Variants in ETV6 observed in about 807,000 individuals in gnomAD.
ETV6 encodes transcription factor ETV6.
In ETV6, 16 loss-of-function variants were observed where a neutral mutation model predicts 51.1. That is an observed-to-expected ratio of 0.31 (90% CI 0.21 to 0.48). The LOEUF is 0.48. ETV6 is among the 20% of genes least tolerant of loss of function. The pLI is 0.99. For missense variants in ETV6, 458 were observed against 594.8 expected, an observed-to-expected ratio of 0.77 and a Z score of 2.39; for synonymous variants, 240 against 224.1, an observed-to-expected ratio of 1.07 and a Z score of -0.64.
intron 1 of ETV6, among the ~76,000 whole-genome samples, chr12:11,721,619 T>C (rs1865389403): frequency 6.6e-6 from 1 of 152,142 alleles, no homozygotes; most frequent in Admixed American, 6.5e-5. Context: ...AACTACCTCT[T>C]GGGTACTGTG....
chr12:11,839,253 G>T lies in ETV6; in HGVS notation c.277G>T (p.Ala93Ser). Residue 93 changes from alanine (A) to serine (S), a missense_variant, in exon 3 of 8, where the codon GCT becomes TCT. Ala to Ser is a moderately conservative substitution (Grantham distance 99, BLOSUM62 1). Around this residue, in one of 4 missense-constraint regions of ETV6, gnomAD observed 26 missense variants for 52.1 expected, o/e 0.50. Transcript: ENST00000396373. ...CAACACGTTTGAAATGAATGGCAAAGCTCTCCTGCTGCTGACCAAAGAGGA... is the reference window on the plus strand; with the variant it reads ...CAACACGTTTGAAATGAATGGCAAATCTCTCCTGCTGCTGACCAAAGAGGA... ...DSNTFEMNGK[A>S]LLLLTKEDFR... The T allele has an allele frequency of 6.2e-7, 1 of 1,614,224 alleles. No individual in the cohort carries two copies. The highest frequency in any genetic ancestry group is 8.5e-7 in the Non-Finnish European group (1 of 1,180,038).
At chr12:11,729,332 T>C (rs897359711) in intron 1 of ETV6, among the ~76,000 whole-genome samples, 1 of 152,172 alleles carries the variant, frequency 6.6e-6, no homozygotes, top group South Asian at 2.1e-4. Flanking sequence ...AGCACTAGAA[T>C]TGAAGGCCTG....
chr12:11,861,659 G>A (rs1001806054), intron 4 of ETV6, among the ~76,000 whole-genome samples: 3 of 152,126 alleles, frequency 2.0e-5, no homozygotes, highest in African/African-American at 7.2e-5. Context: ...AAGTCTCCAA[G>A]AGACTTCCTT....
chr12:11,877,318 T>TA (rs1021887101), intron 5 of ETV6, among the ~76,000 whole-genome samples: 43 of 150,632 alleles, frequency 2.9e-4, no homozygotes, highest in Non-Finnish European at 4.7e-4. Context: ...TTTTTTTTTT[T>TA]AATTTTGTAC....
intron 2 of ETV6, among the ~76,000 whole-genome samples, chr12:11,814,174 AC>A (rs926476506): frequency 1.3e-5 from 2 of 152,206 alleles, no homozygotes; most frequent in African/African-American, 4.8e-5. Context: ...ATGCCGAATT[AC>A]CCACTCAGGA....
At chr12:11,706,194 G>A (rs541017437) in intron 1 of ETV6, among the ~76,000 whole-genome samples, 4 of 152,306 alleles carry the variant, frequency 2.6e-5, no homozygotes, top group East Asian at 3.9e-4. Context: ...AAATAACAAC[G>A]CCTTTCATTT....
At chr12:11,761,688 T>C (rs1020502930) in intron 2 of ETV6, among the ~76,000 whole-genome samples, 11 of 152,310 alleles carry the variant, frequency 7.2e-5, no homozygotes, top group Admixed American at 2.6e-4. Context: ...AACATGCTCT[T>C]GTAGGGGTCA....
intron 1 of ETV6, among the ~76,000 whole-genome samples, chr12:11,749,070 A>T (rs1432127834): frequency 6.6e-6 from 1 of 152,038 alleles, no homozygotes; most frequent in East Asian, 1.9e-4. Flanking sequence ...GGTTGGCTTG[A>T]TAGGTTGTAT....
intron 2 of ETV6, among the ~76,000 whole-genome samples, chr12:11,801,543 G>A (rs1014437552): frequency 1.1e-4 from 16 of 152,194 alleles, no homozygotes; most frequent in African/African-American, 2.2e-4. Context: ...ACTATTCTGC[G>A]GATAACACAG....
At chr12:11,822,430 T>C (rs1237124216) in intron 2 of ETV6, among the ~76,000 whole-genome samples, 1 of 152,232 alleles carries the variant, frequency 6.6e-6, no homozygotes, top group Non-Finnish European at 1.5e-5. Context: ...CTCTCTACCT[T>C]TCTCCCCCAT....
intron 1 of ETV6, among the ~76,000 whole-genome samples, chr12:11,668,637 A>C (rs1415804407): frequency 6.6e-6 from 1 of 152,148 alleles, no homozygotes; most frequent in African/African-American, 2.4e-5. Context: ...GAGAAGGGCT[A>C]GTTAGTATGT....
At chr12:11,852,390 C>CT (rs1193311175) in intron 3 of ETV6, among the ~76,000 whole-genome samples, 9 of 152,328 alleles carry the variant, frequency 5.9e-5, no homozygotes, top group Middle Eastern at 6.8e-3. Context: ...AGGAGGGAAG[C>CT]ATCCCAGAAC....
chr12:11,808,460 A>T (rs1945863832), intron 2 of ETV6, among the ~76,000 whole-genome samples: 1 of 151,938 alleles, frequency 6.6e-6, no homozygotes, highest in Non-Finnish European at 1.5e-5. Flanking sequence ...AAAAAAACCC[A>T]CAAATGCAAC....
chr12:11,805,258 G>A (rs1945812388), intron 2 of ETV6, among the ~76,000 whole-genome samples: 1 of 152,202 alleles, frequency 6.6e-6, no homozygotes, highest in East Asian at 1.9e-4. Context: ...GGCAGATTGA[G>A]TTAAGATTTT....
intron 1 of ETV6, among the ~76,000 whole-genome samples, chr12:11,704,775 TTGTGTGTGTG>T (rs58321366): frequency 6.7e-6 from 1 of 149,026 alleles, no homozygotes; most frequent in South Asian, 2.1e-4. Flanking sequence ...TCACAGGGGT[TTGTGTGTGTG>T]TGTGTGTGTG....
intron 1 of ETV6, among the ~76,000 whole-genome samples, chr12:11,704,150 G>T (rs1208682777): frequency 6.6e-6 from 1 of 152,194 alleles, no homozygotes; most frequent in African/African-American, 2.4e-5. Flanking sequence ...AACGGACTGT[G>T]TCTTTTTAGT....
At chr12:11,653,696 C>A (rs755234693) in intron 1 of ETV6, among the ~76,000 whole-genome samples, 1 of 152,088 alleles carries the variant, frequency 6.6e-6, no homozygotes, top group Non-Finnish European at 1.5e-5. Context: ...ACACTTTCAT[C>A]CACTGGCTTG....
chr12:11,759,777 G>C (rs1945057541), intron 2 of ETV6, among the ~76,000 whole-genome samples: 1 of 52,746 alleles, frequency 1.9e-5, no homozygotes, highest in African/African-American at 4.1e-5. Flanking sequence ...CAGTGTGTTG[G>C]CTTGAATGTG....
intron 1 of ETV6, among the ~76,000 whole-genome samples, chr12:11,667,248 C>A (rs1432222259): frequency 6.6e-6 from 1 of 152,140 alleles, no homozygotes; most frequent in African/African-American, 2.4e-5. Flanking sequence ...CTTTATTAAG[C>A]TTCTATTATG....
Sources: gnomAD v4.1 joint callset for allele counts (sites outside exome capture counted in the v4.1 genomes callset) on GRCh38, gnomAD v4.1.1 for gene constraint, gnomAD v4.1.1 regional missense constraint, MANE v1.5 for transcripts, NCBI Gene and HGNC (gene_info 2026-07-23, HGNC 2026-07-21) for gene names.